The following SPAG16 variants were observed in gnomAD, a reference collection of about 807,000 sequenced individuals.
SPAG16 encodes the protein sperm-associated antigen 16 protein.
In SPAG16, 86 loss-of-function variants were observed where a neutral mutation model predicts 80.4. The observed-to-expected ratio is 1.07, with a 90% CI of 0.90 to 1.28. The LOEUF is 1.28. SPAG16 is among the 50% of genes most tolerant of loss of function. The probability of loss-of-function intolerance (pLI) is 0.00; values close to 1 mark genes in which losing one functional copy is unlikely to be tolerated. For missense variants in SPAG16, 870 were observed against 765.3 expected, an observed-to-expected ratio of 1.14 and a Z score of -1.61; for synonymous variants, 294 against 265.9, an observed-to-expected ratio of 1.11 and a Z score of -1.03.
intron 10 of SPAG16, among the ~76,000 whole-genome samples, chr2:213,551,033 C>A (rs907389375): frequency 6.6e-6 from 1 of 151,986 alleles, no homozygotes; most frequent in Non-Finnish European, 1.5e-5. Context: ...TAGAAAAATT[C>A]AGAATTTTCC....
intron 12 of SPAG16, among the ~76,000 whole-genome samples, chr2:214,013,338 G>A (rs546188416): frequency 2.0e-5 from 3 of 152,166 alleles, no homozygotes; most frequent in Non-Finnish European, 2.9e-5. Flanking sequence ...TCTTTGTGGC[G>A]AGAACTTTCA....
chr2:213,804,290 A>G (rs1451996764), intron 10 of SPAG16, among the ~76,000 whole-genome samples: 1 of 152,192 alleles, frequency 6.6e-6, no homozygotes, highest in Admixed American at 6.5e-5. Flanking sequence ...AGGTGATTTT[A>G]ACTTGGTTGG....
intron 10 of SPAG16, among the ~76,000 whole-genome samples, chr2:213,534,125 G>A (rs2076163031): frequency 6.6e-6 from 1 of 151,850 alleles, no homozygotes; most frequent in African/African-American, 2.4e-5. Context: ...CATTCCTTTA[G>A]CACATTTAAA....
chr2:213,683,493 G>C (rs1361764026), intron 10 of SPAG16, among the ~76,000 whole-genome samples: 1 of 151,988 alleles, frequency 6.6e-6, no homozygotes, highest in Non-Finnish European at 1.5e-5. Flanking sequence ...AGAGGTTGCA[G>C]TGAGCCGAGA....
At chr2:214,366,196 C>T (rs568558092) in intron 15 of SPAG16, among the ~76,000 whole-genome samples, 5 of 152,206 alleles carry the variant, frequency 3.3e-5, no homozygotes, top group East Asian at 3.9e-4. Context: ...CCAGGCTGGT[C>T]TCAAACTCTG....
At chr2:214,320,040 A>G (rs1695991324) in intron 15 of SPAG16, among the ~76,000 whole-genome samples, 1 of 152,160 alleles carries the variant, frequency 6.6e-6, no homozygotes, top group Non-Finnish European at 1.5e-5. Flanking sequence ...CGTTCTGTCA[A>G]TTTCAGTAAG....
intron 11 of SPAG16, among the ~76,000 whole-genome samples, chr2:213,883,386 T>C (rs983212790): frequency 2.6e-5 from 4 of 152,224 alleles, no homozygotes; most frequent in Non-Finnish European, 5.9e-5. Flanking sequence ...GACTCCCAGA[T>C]GATTTTAATC....
chr2:213,337,414 A>G (rs2064425365), intron 5 of SPAG16, among the ~76,000 whole-genome samples: 1 of 152,208 alleles, frequency 6.6e-6, no homozygotes, highest in South Asian at 2.1e-4. Context: ...ATGGGTAATA[A>G]TGAACTTCAC....
At chr2:214,350,167 C>T (rs1419298834) in intron 15 of SPAG16, among the ~76,000 whole-genome samples, 1 of 152,070 alleles carries the variant, frequency 6.6e-6, no homozygotes, top group Non-Finnish European at 1.5e-5. Flanking sequence ...TTTTTATTTA[C>T]CCTGTTTTGG....
At chr2:214,190,893 C>T (rs369044220) in intron 15 of SPAG16, among the ~76,000 whole-genome samples, 7 of 152,090 alleles carry the variant, frequency 4.6e-5, no homozygotes, top group South Asian at 2.1e-4. Context: ...AGCTAATTGG[C>T]GTATGGTACT....
intron 10 of SPAG16, among the ~76,000 whole-genome samples, chr2:213,771,907 G>A (rs2069273102): frequency 1.3e-5 from 2 of 152,058 alleles, no homozygotes; most frequent in African/African-American, 4.8e-5. Flanking sequence ...TGTTCTTTTT[G>A]CTTAGGATTA....
chr2:213,948,065 A>G (rs78443112), intron 12 of SPAG16, among the ~76,000 whole-genome samples: 22,466 of 151,924 alleles, frequency 0.15, 2,031 homozygotes, highest in Non-Finnish European at 0.21. Flanking sequence ...GTAGTATCTA[A>G]TTTATTCCTG....
chr2:213,511,877 T>A (rs1282639279), intron 10 of SPAG16, among the ~76,000 whole-genome samples: 1 of 152,136 alleles, frequency 6.6e-6, no homozygotes, highest in East Asian at 1.9e-4. Flanking sequence ...AAGCATATTT[T>A]TTTTCAAAAT....
At chr2:214,247,841 G>A (rs1689959989) in intron 15 of SPAG16, among the ~76,000 whole-genome samples, 1 of 152,038 alleles carries the variant, frequency 6.6e-6, no homozygotes, top group African/African-American at 2.4e-5. Flanking sequence ...AGACCAGCTT[G>A]GGCAACAGAG....
chr2:213,841,932 G>A (rs2074382315), intron 10 of SPAG16, among the ~76,000 whole-genome samples: 1 of 151,904 alleles, frequency 6.6e-6, no homozygotes, highest in South Asian at 2.1e-4. Flanking sequence ...TATTTTAACG[G>A]CAAAAATGAG....
intron 9 of SPAG16, among the ~76,000 whole-genome samples, chr2:213,448,242 C>T (rs752883903): frequency 2.0e-5 from 3 of 152,192 alleles, no homozygotes; most frequent in African/African-American, 4.8e-5. Flanking sequence ...TCTATCACAC[C>T]ATATTCCTAC....
chr2:213,838,774 TC>T (rs1169488851), intron 10 of SPAG16, among the ~76,000 whole-genome samples: 1 of 152,214 alleles, frequency 6.6e-6, no homozygotes, highest in Non-Finnish European at 1.5e-5. Flanking sequence ...AAGGAAATTT[TC>T]TTATGCCAGC....
intron 10 of SPAG16, among the ~76,000 whole-genome samples, chr2:213,573,354 C>G (rs982736146): frequency 5.3e-5 from 8 of 152,310 alleles, no homozygotes; most frequent in African/African-American, 1.9e-4. Context: ...TTTTATTTCT[C>G]TGTGATAATT....
chr2:214,338,462 C>G (rs1045095839), intron 15 of SPAG16, among the ~76,000 whole-genome samples: 1 of 152,032 alleles, frequency 6.6e-6, no homozygotes, highest in Non-Finnish European at 1.5e-5. Flanking sequence ...GGAGATCATG[C>G]CACTGCACTC....
Sources: gnomAD v4.1 joint callset for allele counts (sites outside exome capture counted in the v4.1 genomes callset) on GRCh38, gnomAD v4.1.1 for gene constraint, MANE v1.5 for transcripts, NCBI Gene and HGNC (gene_info 2026-07-23, HGNC 2026-07-21) for gene names.